KCNAB1: variants seen among roughly 807,000 people sequenced by gnomAD.
KCNAB1 encodes potassium voltage-gated channel subfamily A regulatory beta subunit 1.
Under a neutral mutation model 64.6 loss-of-function variants are expected in KCNAB1, and 35 were observed. That is an observed-to-expected ratio of 0.54 (90% confidence interval 0.41 to 0.72). The LOEUF (loss-of-function observed/expected upper bound fraction) is 0.72. Among genes scored for constraint, KCNAB1 ranks in the 30% least tolerant of loss-of-function variants. KCNAB1 has a pLI of 0.00. For synonymous variants in KCNAB1, 177 were observed against 183.8 expected (o/e 0.96, Z 0.30); for missense variants, 401 against 512.9 (o/e 0.78, Z 2.11).
At chr3:156,505,272 A>T (rs1263531628) in intron 8 of KCNAB1, among the ~76,000 whole-genome samples, 1 of 152,128 alleles carries the variant, frequency 6.6e-6, no homozygotes. Flanking sequence ...GTCTGTTTTT[A>T]TGCCAGTATC....
intron 1 of KCNAB1, among the ~76,000 whole-genome samples, chr3:156,307,448 T>G (rs1721579204): frequency 1.3e-5 from 2 of 152,174 alleles, no homozygotes; most frequent in Non-Finnish European, 2.9e-5. Context: ...GCCAGTACAC[T>G]TATGTCTCAA....
chr3:156,307,001 G>A (rs1721533751), intron 1 of KCNAB1, among the ~76,000 whole-genome samples: 2 of 152,302 alleles, frequency 1.3e-5, no homozygotes, highest in South Asian at 4.1e-4. Flanking sequence ...TTAATATTGT[G>A]TAAAAATTAA....
chr3:156,536,754 G>A lies in KCNAB1; in HGVS notation c.*7G>A. On this transcript the variant is annotated 3_prime_UTR_variant, in exon 14 of 14. Transcript: ENST00000490337. ...GAAGGACTATAGATCATAAGGCAAT[G>A]CATGAACCACAGAAGCTGCATGGTT... 1 of 1,580,444 alleles carries A rather than the reference G, an allele frequency of 6.3e-7. No homozygotes were observed. The highest frequency in any genetic ancestry group is 8.7e-7 in the Non-Finnish European group (1 of 1,149,498).
intron 1 of KCNAB1, among the ~76,000 whole-genome samples, chr3:156,287,717 T>C (rs1720176578): frequency 6.6e-6 from 1 of 151,452 alleles, no homozygotes; most frequent in Admixed American, 6.6e-5. Flanking sequence ...CTCAGGAGGC[T>C]GAGGCAGGAG....
At chr3:156,156,017 T>C (rs1010692317) in intron 1 of KCNAB1, among the ~76,000 whole-genome samples, 3 of 152,132 alleles carry the variant, frequency 2.0e-5, no homozygotes, top group Non-Finnish European at 4.4e-5. Context: ...GGTTTGGCCA[T>C]GTAGACACGG....
chr3:156,494,447 A>G (rs763884497), intron 8 of KCNAB1, among the ~76,000 whole-genome samples: 9 of 152,000 alleles, frequency 5.9e-5, no homozygotes, highest in Non-Finnish European at 1.0e-4. Context: ...TTTCTCACCT[A>G]TTCTGCATGG....
At chr3:156,395,116 G>T (rs1265668132) in intron 1 of KCNAB1, among the ~76,000 whole-genome samples, 1 of 152,176 alleles carries the variant, frequency 6.6e-6, no homozygotes, top group Non-Finnish European at 1.5e-5. Flanking sequence ...TCCCAAGAGT[G>T]TTGTGATCGT....
Position 156,353,882 on chromosome 3 carries a change from G to T in KCNAB1, c.276-67734G>T, listed in dbSNP as rs77362134. Among the ~76,000 whole-genome samples, 912 of 152,208 alleles carry T rather than the reference G, an allele frequency of 6.0e-3. 10 individuals carry two copies. Among genetic ancestry groups the T allele is most frequent in the African/African-American group, 0.02 (826 of 41,526 alleles). On this transcript the variant is annotated intron_variant, in intron 1 of 13. Transcript: ENST00000490337. ...TATTTGCTAGGAGTTATTGGGTCCA[G>T]CCCATGCTCAAAGGGAAGGGGTTAC...
intron 1 of KCNAB1, among the ~76,000 whole-genome samples, chr3:156,144,750 A>T (rs1416122853): frequency 1.3e-5 from 2 of 152,176 alleles, no homozygotes; most frequent in Admixed American, 1.3e-4. Context: ...TTTCACTTTT[A>T]AAAAAGTCTG....
rs577165433 is a variant in KCNAB1 at position 156,415,755 on chromosome 3, C to A, written c.276-5861C>A. ...TCTGTGGTGCTGGAGCTCCTCAAGG[C>A]CCCATCGTGGGCCCTGTTCACTAAC... On this transcript the variant is annotated intron_variant, in intron 1 of 13. Transcript: ENST00000490337. Among the ~76,000 whole-genome samples the A allele has an allele frequency of 8.0e-4, 122 of 152,286 alleles. 1 individual carries two copies. The highest frequency in any genetic ancestry group is 1.4e-3 in the Non-Finnish European group (95 of 68,026).
intron 1 of KCNAB1, among the ~76,000 whole-genome samples, chr3:156,186,576 C>G (rs1713205467): frequency 6.6e-6 from 1 of 152,110 alleles, no homozygotes; most frequent in Non-Finnish European, 1.5e-5. Context: ...TCCTTTTGTA[C>G]TCTCTCCCAG....
chr3:156,445,893 G>T (rs1711514983), intron 2 of KCNAB1: 1 of 152,132 alleles, frequency 6.6e-6, no homozygotes, highest in African/African-American at 2.4e-5. Flanking sequence ...TGAAATAATA[G>T]AGATGAAGGA....
intron 1 of KCNAB1, among the ~76,000 whole-genome samples, chr3:156,420,172 T>G (rs1416763631): frequency 6.6e-6 from 1 of 152,218 alleles, no homozygotes; most frequent in East Asian, 1.9e-4. Flanking sequence ...GCCTTGCATT[T>G]GTTTACAGTA....
chr3:156,479,130 A>G (rs1714601530), intron 8 of KCNAB1, among the ~76,000 whole-genome samples: 1 of 152,090 alleles, frequency 6.6e-6, no homozygotes, highest in Admixed American at 6.6e-5. Context: ...CTGCTACAAT[A>G]TCTGGCAACG....
rs1384750666 is a variant in KCNAB1, at chr3:156,465,608, C to T, written c.528-35C>T. On this transcript the variant is annotated intron_variant, in intron 6 of 13. Coordinates refer to ENST00000490337, the MANE Select transcript of KCNAB1 (RefSeq NM_172160.3). ...TTTAGAGAAGAAAAGAAAGCACACT[C>T]TCATTCAAAGTTATTTGCTTCTTTT... 1.9e-6 allele frequency: 3 copies of T among 1,590,950 alleles called. 1 individual carries two copies. In the South Asian group the frequency reaches 3.3e-5, roughly 18 times the overall value.
chr3:156,185,775 A>G (rs1713150481), intron 1 of KCNAB1, among the ~76,000 whole-genome samples: 1 of 152,030 alleles, frequency 6.6e-6, no homozygotes, highest in Non-Finnish European at 1.5e-5. Context: ...CACCTTTCAG[A>G]TGGGAATTTC....
chr3:156,206,415 G>C (rs1264378259), intron 1 of KCNAB1, among the ~76,000 whole-genome samples: 1 of 152,190 alleles, frequency 6.6e-6, no homozygotes, highest in Non-Finnish European at 1.5e-5. Context: ...ATGAGGCTTA[G>C]ATTCCTATGA....
At chr3:156,162,459 C>G (rs1308425439) in intron 1 of KCNAB1, among the ~76,000 whole-genome samples, 1 of 152,116 alleles carries the variant, frequency 6.6e-6, no homozygotes, top group African/African-American at 2.4e-5. Flanking sequence ...TGCCACCAGT[C>G]TCCTTACTCC....
chr3:156,430,823 C>G (rs775350886), intron 2 of KCNAB1, among the ~76,000 whole-genome samples: 2 of 152,146 alleles, frequency 1.3e-5, no homozygotes, highest in Non-Finnish European at 2.9e-5. Context: ...TGTAGGGCCC[C>G]TTGCGTCTCT....
Sources: gnomAD v4.1 joint callset for allele counts (sites outside exome capture counted in the v4.1 genomes callset) on GRCh38, gnomAD v4.1.1 for gene constraint, MANE v1.5 for transcripts, NCBI Gene and HGNC (gene_info 2026-07-23, HGNC 2026-07-21) for gene names.